RBFOX1: variants seen among roughly 807,000 people sequenced by gnomAD.
RBFOX1 encodes RNA binding fox-1 homolog 1.
Under a neutral mutation model 57.7 loss-of-function variants are expected in RBFOX1, and 8 were observed. The observed-to-expected ratio is 0.14, with a 90% CI of 0.08 to 0.25. The LOEUF (loss-of-function observed/expected upper bound fraction) is 0.25, where lower values mean the gene tolerates loss of function less well. Ranked by LOEUF, RBFOX1 falls within the 10% of genes least tolerant of loss-of-function variation. The probability of loss-of-function intolerance (pLI) is 1.00; values close to 1 mark genes in which losing one functional copy is unlikely to be tolerated. For missense variants in RBFOX1, 611 were observed against 548.5 expected, an observed-to-expected ratio of 1.11 and a Z score of -1.14; for synonymous variants, 326 against 222.4, an observed-to-expected ratio of 1.47 and a Z score of -4.15.
At chr16:6,161,026 C>A (rs116307306) in intron 1 of RBFOX1, among the ~76,000 whole-genome samples, 71 of 152,314 alleles carry the variant, frequency 4.7e-4, no homozygotes, top group African/African-American at 1.7e-3. Flanking sequence ...AGTGGTGTTT[C>A]CCAGCTTTAT....
intron 11 of RBFOX1, among the ~76,000 whole-genome samples, chr16:7,639,119 G>C (rs1289584976): frequency 6.6e-6 from 1 of 152,158 alleles, no homozygotes; most frequent in Non-Finnish European, 1.5e-5. Context: ...TGGGTGGTTA[G>C]TTTTGCTTGC....
At chr16:7,236,252 T>A (rs1395272101) in intron 4 of RBFOX1, among the ~76,000 whole-genome samples, 1 of 152,208 alleles carries the variant, frequency 6.6e-6, no homozygotes, top group Non-Finnish European at 1.5e-5. Flanking sequence ...GCCCAAGTGC[T>A]TTGTATGAGG....
chr16:6,982,665 G>A (rs184569753), intron 3 of RBFOX1, among the ~76,000 whole-genome samples: 80 of 152,294 alleles, frequency 5.3e-4, no homozygotes, highest in Admixed American at 5.2e-3. Context: ...CACAGTAAAT[G>A]TAAGAGGTAG....
intron 3 of RBFOX1, among the ~76,000 whole-genome samples, chr16:6,779,695 TTATTTATATATA>T (rs1426715149): frequency 1.6e-5 from 2 of 126,952 alleles, no homozygotes; most frequent in Non-Finnish European, 1.6e-5. Context: ...CTATCTTTAT[TTATTTATATATA>T]TATTTATATA....
In RBFOX1 at chr16:5,896,429, C is replaced by T. The variant is rs573835203; in HGVS notation, c.351+29094C>T. Among the ~76,000 whole-genome samples, 3 of 151,828 alleles carry T rather than the reference C, an allele frequency of 2.0e-5. No homozygotes were observed. In the South Asian group the frequency reaches 6.3e-4, roughly 32 times the overall value. ...AACTGATTGCTAAAAAAACCTGGCA[C>T]CTCCCTGCGCTCCCCCTGTTTTGCT... On this transcript the variant is annotated intron_variant, in intron 4 of 19. Coordinates refer to the RBFOX1 transcript ENST00000641259.
intron 4 of RBFOX1, among the ~76,000 whole-genome samples, chr16:7,146,249 A>T (rs1035632023): frequency 5.3e-5 from 8 of 152,198 alleles, no homozygotes; most frequent in Non-Finnish European, 8.8e-5. Context: ...GGAACAGCAG[A>T]TGCCACGTAT....
chr16:7,014,236 AG>A (rs1176141691), intron 3 of RBFOX1, among the ~76,000 whole-genome samples: 2 of 150,580 alleles, frequency 1.3e-5, no homozygotes, highest in East Asian at 4.0e-4. Context: ...TTTGAAGTGG[AG>A]TCTCGCTCTG....
chr16:7,220,481 C>A (rs1361162887), intron 4 of RBFOX1, among the ~76,000 whole-genome samples: 1 of 152,186 alleles, frequency 6.6e-6, no homozygotes, highest in Non-Finnish European at 1.5e-5. Context: ...CATGGGACCT[C>A]CCTAAGCAAG....
chr16:6,525,117 A>T (rs765714493), intron 2 of RBFOX1, among the ~76,000 whole-genome samples: 4 of 152,160 alleles, frequency 2.6e-5, no homozygotes, highest in Non-Finnish European at 5.9e-5. Context: ...TGTAAAACAG[A>T]GATATTTGGT....
intron 4 of RBFOX1, among the ~76,000 whole-genome samples, chr16:5,938,731 C>T (rs970514953): frequency 6.6e-6 from 1 of 152,118 alleles, no homozygotes. Flanking sequence ...CAGGTGACAC[C>T]ATCACAACCT....
chr16:6,817,441 C>T (rs1205050201), intron 3 of RBFOX1, among the ~76,000 whole-genome samples: 1 of 151,136 alleles, frequency 6.6e-6, no homozygotes, highest in Non-Finnish European at 1.5e-5. Context: ...TGCCTGTAAT[C>T]CCAACGCTTT....
chr16:7,425,415 A>C (rs749455864), intron 4 of RBFOX1, among the ~76,000 whole-genome samples: 45 of 152,182 alleles, frequency 3.0e-4, no homozygotes, highest in Admixed American at 9.2e-4. Context: ...TGTAATAGAA[A>C]ACTTCCTCAA....
At chr16:7,641,633 C>G (rs1362213142) in intron 11 of RBFOX1, among the ~76,000 whole-genome samples, 1 of 152,222 alleles carries the variant, frequency 6.6e-6, no homozygotes, top group Non-Finnish European at 1.5e-5. Context: ...ACAGGAGTCT[C>G]AAACATTTCC....
At chr16:5,403,349 CAAAAAAAA>C (rs767830099) in intron 1 of RBFOX1, among the ~76,000 whole-genome samples, 6 of 82,272 alleles carry the variant, frequency 7.3e-5, no homozygotes, top group African/African-American at 2.1e-4. Context: ...AACGCTGTCT[CAAAAAAAA>C]AAAAAAAAAA....
rs796279138 is a variant in RBFOX1 at position 5,569,438 on chromosome 16, C to CTTTTTTTTTTTTTTTTTTTTTTTTT, written c.259-29459_259-29435dup. 4.3e-4 allele frequency among the ~76,000 whole-genome samples: 21 copies of CTTTTTTTTTTTTTTTTTTTTTTTTT among 49,208 alleles called. 1 individual carries two copies. Among genetic ancestry groups the CTTTTTTTTTTTTTTTTTTTTTTTTT allele is most frequent in the South Asian group, 1.1e-3 (1 of 876 alleles). 32.3% of individuals were successfully genotyped at this position (49,208 alleles called of 152,430 possible). A position where few individuals can be genotyped will look rare whatever the true frequency, so the allele number is the denominator to read the frequency against. On this transcript the variant is annotated intron_variant, in intron 2 of 2. Coordinates refer to the RBFOX1 transcript ENST00000585867. ...GTAAGGGTTAATGATAAGAAGTAAC[C>CTTTTTTTTTTTTTTTTTTTTTTTTT]TTTTTTTTTTTTTTTTTTTTTTTTT... is the stretch of plus-strand genomic sequence containing the variant.
intron 3 of RBFOX1, among the ~76,000 whole-genome samples, chr16:6,755,126 C>T (rs555616977): frequency 6.6e-6 from 1 of 152,194 alleles, no homozygotes; most frequent in African/African-American, 2.4e-5. Flanking sequence ...TGGGTTGGTT[C>T]CAAGTCTTTG....
intron 3 of RBFOX1, among the ~76,000 whole-genome samples, chr16:6,734,258 C>A (rs1362446000): frequency 6.6e-6 from 1 of 152,102 alleles, no homozygotes; most frequent in Non-Finnish European, 1.5e-5. Context: ...CTATGAATGC[C>A]CTTTGTTAAG....
chr16:5,805,161 G>A (rs2055185994), intron 3 of RBFOX1, among the ~76,000 whole-genome samples: 2 of 152,228 alleles, frequency 1.3e-5, no homozygotes, highest in South Asian at 4.1e-4. Context: ...CTGGGTTATG[G>A]ATGGCACTAT....
intron 4 of RBFOX1, among the ~76,000 whole-genome samples, chr16:7,492,399 T>C (rs892065109): frequency 1.3e-5 from 2 of 152,184 alleles, no homozygotes; most frequent in African/African-American, 2.4e-5. Flanking sequence ...AGGGATCAGA[T>C]ACTTCCCTAT....
Sources: allele counts gnomAD v4.1 joint callset (sites outside exome capture counted in the v4.1 genomes callset), GRCh38; gene constraint gnomAD v4.1.1; transcripts MANE v1.5; gene names NCBI Gene and HGNC (gene_info 2026-07-23, HGNC 2026-07-21).